The following STK10 variants were observed in gnomAD, a reference collection of about 807,000 sequenced individuals.
STK10 encodes serine/threonine-protein kinase 10.
In STK10, 78 loss-of-function variants were observed where a neutral mutation model predicts 113.8. That is an observed-to-expected ratio of 0.69 (90% CI 0.57 to 0.83). STK10 has a LOEUF of 0.83. Ranked by LOEUF, STK10 falls within the 40% of genes least tolerant of loss-of-function variation. STK10 has a pLI of 0.00. For synonymous variants in STK10, 465 were observed against 494.7 expected, an observed-to-expected ratio of 0.94 and a Z score of 0.80; for missense variants, 1,109 against 1,280.1, an observed-to-expected ratio of 0.87 and a Z score of 2.04.
At chr5:172,090,402 G>T (rs749989348) in intron 9 of STK10, 40 bp from the exon 10 acceptor site, 5 of 1,602,980 alleles carry the variant, frequency 3.1e-6, no homozygotes, top group Non-Finnish European at 4.3e-6. Context: ...CAGCATTTCA[G>T]CTAAGGACCC....
intron 10 of STK10, 31 bp from the exon 11 acceptor site, chr5:172,083,115 A>T (rs771766613): frequency 6.2e-7 from 1 of 1,612,058 alleles, no homozygotes; most frequent in Non-Finnish European, 8.5e-7. Context: ...GATATTTCAC[A>T]GTAAGAAACT....
intron 1 of STK10, among the ~76,000 whole-genome samples, chr5:172,161,310 A>G (rs903161361): frequency 6.6e-5 from 10 of 152,102 alleles, no homozygotes; most frequent in South Asian, 2.1e-4. Flanking sequence ...AAAATTAGCC[A>G]GGCGTGGTGG....
intron 18 of STK10, among the ~76,000 whole-genome samples, chr5:172,046,617 T>C (rs1253085786): frequency 6.6e-6 from 1 of 152,226 alleles, no homozygotes; most frequent in African/African-American, 2.4e-5. Flanking sequence ...TATTCTGTTC[T>C]ACCCACCACA....
At chr5:172,156,949 T>A (rs1481074027) in intron 1 of STK10, among the ~76,000 whole-genome samples, 161 bp from the exon 2 acceptor site, 1 of 152,220 alleles carries the variant, frequency 6.6e-6, no homozygotes, top group Non-Finnish European at 1.5e-5. Context: ...ACATCATGTC[T>A]GTACTTAAGA....
intron 1 of STK10, among the ~76,000 whole-genome samples, chr5:172,176,724 C>T (rs1770765749): frequency 6.6e-6 from 1 of 152,212 alleles, no homozygotes; most frequent in African/African-American, 2.4e-5. Flanking sequence ...ATTGGCTTAG[C>T]ATTCAAAGCT....
rs544429051 is a variant in STK10 at position 172,122,116 on chromosome 5, G to A, written c.371-4486C>T. Among the ~76,000 whole-genome samples, 164 of 152,198 alleles carry A rather than the reference G, an allele frequency of 1.1e-3. 1 individual carries two copies. Among genetic ancestry groups the A allele is most frequent in the Non-Finnish European group, 2.0e-3 (138 of 67,994 alleles). The stretch of plus-strand genomic sequence containing the variant: ...CTCCTGACCTTGTGATCCACCCGCC[G>A]CAGCCTTCCTAAGTGCTGGGATCAC... On this transcript the variant is annotated intron_variant, in intron 3 of 18. Coordinates refer to ENST00000176763, the MANE Select transcript of STK10 (RefSeq NM_005990.4).
chr5:172,064,962 C>CA, intron 12 of STK10, 150 bp from the exon 13 acceptor site: 1 of 771,280 alleles, frequency 1.3e-6, no homozygotes, highest in Non-Finnish European at 2.1e-6. Flanking sequence ...CCCCACCAAG[C>CA]CCCTCTGAGC....
At chr5:172,159,597 G>C (rs113476627) in intron 1 of STK10, among the ~76,000 whole-genome samples, 26,439 of 151,614 alleles carry the variant, frequency 0.17, 2,341 homozygotes, top group East Asian at 0.26. Flanking sequence ...CGAGACAGGC[G>C]GATTGCCTGA....
chr5:172,131,546 T>C (rs1048926155), intron 2 of STK10, among the ~76,000 whole-genome samples: 7 of 152,110 alleles, frequency 4.6e-5, no homozygotes, highest in African/African-American at 1.7e-4. Flanking sequence ...GAGCTTCCCT[T>C]TTATTTATTT....
rs368819584 is a variant in STK10, at chr5:172,093,875, G to A, written c.1091C>T (p.Thr364Ile). Residue 364 changes from threonine (T) to isoleucine (I), a missense_variant, in exon 9 of 19, where the codon ACC (threonine) becomes ATC (isoleucine). Physicochemically the swap from Thr to Ile is moderately conservative, Grantham distance 89. Coordinates refer to ENST00000176763, the MANE Select transcript of STK10 (RefSeq NM_005990.4). This position sits in a 1 kb window ranked among gnomAD's most constrained non-coding sequence, Gnocchi z 4.1. ...CTGAGACTGGCTGGGTGCCAGCGGG[G>A]TGGAAGGTGACTCCTCGAGAGGCTT... is the stretch of plus-strand genomic sequence containing the variant. ...ADKPLEESPSTPLAPSQSQDS... is the reference protein window; with the variant it reads ...ADKPLEESPSIPLAPSQSQDS... 2.0e-5 allele frequency: 31 copies of A among 1,569,726 alleles called. No homozygotes were observed. The highest frequency in any genetic ancestry group is 3.5e-5 in the South Asian group (3 of 85,362).
chr5:172,182,603 G>A (rs1475150258), intron 1 of STK10, among the ~76,000 whole-genome samples: 4 of 146,114 alleles, frequency 2.7e-5, no homozygotes, highest in African/African-American at 1.0e-4. Context: ...ACCCAGGTTG[G>A]TTTGCAATGG....
At chr5:172,135,149 T>A (rs1036582569) in intron 2 of STK10, among the ~76,000 whole-genome samples, 34 of 152,286 alleles carry the variant, frequency 2.2e-4, no homozygotes, top group Middle Eastern at 3.4e-3. Context: ...ACATTACTAG[T>A]CATTAGGGCA....
chr5:172,126,316 G>C (rs1047591273), intron 3 of STK10, among the ~76,000 whole-genome samples: 10 of 152,194 alleles, frequency 6.6e-5, no homozygotes, highest in South Asian at 2.1e-4. Context: ...TGTAATCCCA[G>C]CGCTTTGGGA....
chr5:172,105,766 T>A (rs376306661), intron 6 of STK10, 29 bp from the exon 7 acceptor site: 4 of 1,607,210 alleles, frequency 2.5e-6, no homozygotes, highest in Non-Finnish European at 3.4e-6. Flanking sequence ...GAGGTAAGCA[T>A]GGAGGAGGCA....
chr5:172,097,242 G>A (rs562633383), intron 7 of STK10, among the ~76,000 whole-genome samples: 7 of 152,312 alleles, frequency 4.6e-5, no homozygotes, highest in Non-Finnish European at 8.8e-5. Context: ...GTTTCACCAT[G>A]TTGGCCAGGC....
At chr5:172,130,392 G>A (rs909657221) in intron 2 of STK10, among the ~76,000 whole-genome samples, 69 of 152,214 alleles carry the variant, frequency 4.5e-4, no homozygotes, top group African/African-American at 1.6e-3. Context: ...GTAGCCAGGT[G>A]TGGTGGCGGG....
chr5:172,135,231 G>C (rs1416365131), intron 2 of STK10, among the ~76,000 whole-genome samples: 1 of 152,168 alleles, frequency 6.6e-6, no homozygotes, highest in Non-Finnish European at 1.5e-5. Flanking sequence ...ACATGAACAA[G>C]GCTGGGCACG....
chr5:172,064,860 C>T, intron 12 of STK10, 48 bp from the exon 13 acceptor site: 1 of 1,592,186 alleles, frequency 6.3e-7, no homozygotes, highest in Non-Finnish European at 8.6e-7. Flanking sequence ...CCTCTCCATG[C>T]TTCCTACAGT....
At chr5:172,159,309 C>T (rs1172425561) in intron 1 of STK10, among the ~76,000 whole-genome samples, 4 of 152,076 alleles carry the variant, frequency 2.6e-5, no homozygotes, top group African/African-American at 7.2e-5. Context: ...GAATCCGAGG[C>T]GGGTGGCTTG....
Sources: gnomAD v4.1 joint callset for allele counts (sites outside exome capture counted in the v4.1 genomes callset) on GRCh38, gnomAD v4.1.1 for gene constraint, Gnocchi (gnomAD v3.1) non-coding constraint, MANE v1.5 for transcripts, NCBI Gene and HGNC (gene_info 2026-07-23, HGNC 2026-07-21) for gene names.